EIF4ENIF1: variants seen among roughly 807,000 people sequenced by gnomAD.
EIF4ENIF1 encodes eukaryotic translation initiation factor 4E transporter.
EIF4ENIF1 carries 23 observed loss-of-function variants against 110.5 expected under a neutral mutation model. That is an observed-to-expected ratio of 0.21 (90% CI 0.15 to 0.29). EIF4ENIF1 has a LOEUF of 0.29. EIF4ENIF1 is among the 10% of genes least tolerant of loss of function. The probability of loss-of-function intolerance (pLI) is 1.00; values close to 1 mark genes in which losing one functional copy is unlikely to be tolerated. For missense variants in EIF4ENIF1, 1,031 were observed against 1,221.1 expected (o/e 0.84, Z 2.32); for synonymous variants, 440 against 437.0 (o/e 1.01, Z -0.09).
rs186086678 is a variant in EIF4ENIF1 at position 31,464,055 on chromosome 22, G to C, written c.299-88C>G. The C allele has an allele frequency of 3.4e-6, 5 of 1,482,174 alleles. No homozygotes were observed. The African/African-American group carries it at 4.2e-5, about 12-fold the overall frequency. The allele number at this position is 1,482,174 out of a possible 1,614,324, so 91.8% of individuals were successfully genotyped here. On this transcript the variant is annotated intron_variant, in intron 4 of 18. Transcript: ENST00000330125. ...ATAGTATGTCCATGACTGATGGGAGGAAGGGGATGGTTGGAAGAGAGTCAC... is the reference window on the plus strand; with the variant it reads ...ATAGTATGTCCATGACTGATGGGAGCAAGGGGATGGTTGGAAGAGAGTCAC...
chr22:31,449,376 G>A lies in EIF4ENIF1; in HGVS notation c.1740C>T (p.Tyr580=). Residue 580 remains tyrosine, a synonymous_variant, in exon 12 of 19, where the codon TAC becomes TAT. Transcript: ENST00000330125. Reference sequence around the variant, plus strand: ...TTGGTGATGGTATTCTTGGGCGAAGGTAGTCAGCTGAGGCTGCTCGAGTTT... The same window carrying A: ...TTGGTGATGGTATTCTTGGGCGAAGATAGTCAGCTGAGGCTGCTCGAGTTT... ...VFQTRAASAD[Y]LRPRIPSPIG... is the part of the protein sequence containing the mutation. The A allele has an allele frequency of 1.2e-6, 2 of 1,613,800 alleles. No individual in the cohort carries two copies. The highest frequency in any genetic ancestry group is 1.7e-6 in the Non-Finnish European group (2 of 1,179,928).
chr22:31,461,334 C>T (rs952817677), intron 6 of EIF4ENIF1, among the ~76,000 whole-genome samples: 1 of 152,162 alleles, frequency 6.6e-6, no homozygotes, highest in African/African-American at 2.4e-5. Flanking sequence ...TGGCTGCAGA[C>T]CAATGGGCTC....
chr22:31,442,686 T>G (rs912414208), intron 16 of EIF4ENIF1, among the ~76,000 whole-genome samples: 3 of 152,242 alleles, frequency 2.0e-5, no homozygotes, highest in Non-Finnish European at 4.4e-5. Flanking sequence ...TTATTAACTT[T>G]GAAGCCTAAC....
chr22:31,463,614 C>G lies in EIF4ENIF1; in HGVS notation c.585+67G>C. 5 of 1,448,156 alleles carry G rather than the reference C, an allele frequency of 3.5e-6. No homozygotes were observed. The South Asian group carries it at 7.3e-5, about 21-fold the overall frequency. 89.7% of individuals were successfully genotyped at this position (1,448,156 alleles called of 1,614,324 possible). ...TGAGTCAAGATCGTGCCATTGCACT[C>G]CAGCCTGGGCAACAAGAGCGAAACT... On this transcript the variant is annotated intron_variant, in intron 5 of 18. Coordinates refer to ENST00000330125, the MANE Select transcript of EIF4ENIF1 (RefSeq NM_019843.4).
chr22:31,437,449 A>AT (rs1555900367), downstream of EIF4ENIF1: 2 of 93,852 alleles, frequency 2.1e-5, no homozygotes, highest in Non-Finnish European at 2.3e-5. Context: ...TTTTGCCTTC[A>AT]TCCCCCCCCC....
At chr22:31,477,357 CAAAAAAA>C (rs749894840) in intron 2 of EIF4ENIF1, among the ~76,000 whole-genome samples, 1 of 46,830 alleles carries the variant, frequency 2.1e-5, no homozygotes, top group African/African-American at 7.3e-5. Flanking sequence ...CCTCTGTCTC[CAAAAAAA>C]AAAAAAAAAA....
In EIF4ENIF1 at chr22:31,450,212, G is replaced by A. The variant is rs1013828415; in HGVS notation, c.1584+77C>T. On this transcript the variant is annotated intron_variant, in intron 11 of 18. Coordinates refer to ENST00000330125, the MANE Select transcript of EIF4ENIF1 (RefSeq NM_019843.4). Reference sequence around the variant, plus strand: ...CACAGATCATTTTCTAAGGCCCAAAGTTGGACCACTAAGCAAAACTGGTTC... The same window carrying A: ...CACAGATCATTTTCTAAGGCCCAAAATTGGACCACTAAGCAAAACTGGTTC... 2.4e-5 allele frequency: 28 copies of A among 1,162,198 alleles called. No homozygotes were observed. The Middle Eastern group carries it at 5.9e-4, about 24-fold the overall frequency. The allele number at this position is 1,162,198 out of a possible 1,614,324, so 72.0% of individuals were successfully genotyped here.
chr22:31,444,124 A>G (rs2050388847), intron 15 of EIF4ENIF1, among the ~76,000 whole-genome samples: 2 of 152,312 alleles, frequency 1.3e-5, no homozygotes, highest in Middle Eastern at 3.4e-3. Context: ...TAAAGTAATG[A>G]TAGTTATAAA....
At chr22:31,450,482 T>C in intron 10 of EIF4ENIF1, 122 bp from the exon 11 acceptor site, 1 of 722,272 alleles carries the variant, frequency 1.4e-6, no homozygotes. Flanking sequence ...GATACTCAAG[T>C]CACAGAAAAC....
intron 7 of EIF4ENIF1, among the ~76,000 whole-genome samples, chr22:31,456,371 C>T (rs1372569968): frequency 1.3e-5 from 2 of 151,456 alleles, no homozygotes; most frequent in South Asian, 2.1e-4. Context: ...CTACAGGCGC[C>T]TGCCACCACG....
upstream of EIF4ENIF1, among the ~76,000 whole-genome samples, chr22:31,490,836 A>G (rs1282013752): frequency 6.6e-6 from 1 of 152,144 alleles, no homozygotes; most frequent in African/African-American, 2.4e-5. Context: ...CGAGAACGCA[A>G]TTTTCCTGGT....
chr22:31,448,554 T>C (rs2018639154), intron 12 of EIF4ENIF1, among the ~76,000 whole-genome samples: 1 of 152,202 alleles, frequency 6.6e-6, no homozygotes, highest in African/African-American at 2.4e-5. Flanking sequence ...TAGACACCAT[T>C]GCTCTGAGAA....
At chr22:31,456,607 C>T (rs1430867474) in intron 7 of EIF4ENIF1, among the ~76,000 whole-genome samples, 2 of 152,128 alleles carry the variant, frequency 1.3e-5, no homozygotes, top group Non-Finnish European at 2.9e-5. Context: ...CTCTGCCTCC[C>T]AGGTTCAAGT....
chr22:31,452,183 T>C (rs898116672), intron 10 of EIF4ENIF1, among the ~76,000 whole-genome samples: 1 of 152,206 alleles, frequency 6.6e-6, no homozygotes, highest in South Asian at 2.1e-4. Flanking sequence ...CCTAAATGGA[T>C]GGAGGCAGAT....
chr22:31,467,036 A>C (rs5753631), intron 4 of EIF4ENIF1, among the ~76,000 whole-genome samples: 34,481 of 152,094 alleles, frequency 0.23, 5,034 homozygotes, highest in East Asian at 0.46. Context: ...TACGTCATGA[A>C]CATTATTTGC....
intron 2 of EIF4ENIF1, among the ~76,000 whole-genome samples, chr22:31,485,472 A>C (rs1002614100): frequency 3.3e-5 from 5 of 152,232 alleles, no homozygotes; most frequent in African/African-American, 1.2e-4. Context: ...GGTGTGTGAA[A>C]GTGATTCAAA....
At chr22:31,439,024 T>C (rs538668557), downstream of EIF4ENIF1, among the ~76,000 whole-genome samples, 1 of 152,314 alleles carries the variant, frequency 6.6e-6, no homozygotes, top group Admixed American at 6.5e-5. Flanking sequence ...CCAATTTCCA[T>C]GGGTTTTCAA....
chr22:31,464,200 CATG>C, intron 4 of EIF4ENIF1: 2 of 487,138 alleles, frequency 4.1e-6, no homozygotes, highest in Non-Finnish European at 7.1e-6. Flanking sequence ...AATAATTTTC[CATG>C]ATTAGTCTTT....
chr22:31,487,256 A>C (rs1047515689), intron 2 of EIF4ENIF1, among the ~76,000 whole-genome samples: 2 of 152,198 alleles, frequency 1.3e-5, no homozygotes, highest in African/African-American at 4.8e-5. Context: ...TTTTCTATCA[A>C]CTTACATGCT....
Sources: gnomAD v4.1 joint callset for allele counts (sites outside exome capture counted in the v4.1 genomes callset) on GRCh38, gnomAD v4.1.1 for gene constraint, MANE v1.5 for transcripts, NCBI Gene and HGNC (gene_info 2026-07-23, HGNC 2026-07-21) for gene names.